The following IL1RAPL1 variants were observed in gnomAD, a reference collection of about 807,000 sequenced individuals.
IL1RAPL1 encodes the protein interleukin 1 receptor accessory protein like 1.
A neutral mutation model predicts 48.4 loss-of-function variants in IL1RAPL1; 3 were observed. That is an observed-to-expected ratio of 0.06 (90% CI 0.03 to 0.16). IL1RAPL1 has a LOEUF of 0.16. IL1RAPL1 is among the 10% of genes least tolerant of loss of function. The probability of loss-of-function intolerance (pLI) is 1.00; values close to 1 mark genes in which losing one functional copy is unlikely to be tolerated. For synonymous variants in IL1RAPL1, 185 were observed against 187.7 expected (o/e 0.99, Z 0.12); for missense variants, 349 against 530.6 (o/e 0.66, Z 3.36).
intron 6 of IL1RAPL1, among the ~76,000 whole-genome samples, chrX:29,756,288 A>G (rs190113195): frequency 3.5e-4 from 39 of 112,385 alleles, no homozygotes; most frequent in Middle Eastern, 4.6e-3. Context: ...GAAAATTGGG[A>G]AGTATACACA....
intron 2 of IL1RAPL1, among the ~76,000 whole-genome samples, chrX:28,882,035 A>G (rs770422308): frequency 9.0e-6 from 1 of 110,508 alleles, no homozygotes; most frequent in Non-Finnish European, 1.9e-5. Flanking sequence ...AAGAAATTCA[A>G]TGAACTCTAT....
At chrX:29,548,155 C>T (rs981171766) in intron 5 of IL1RAPL1, among the ~76,000 whole-genome samples, 2 of 112,556 alleles carry the variant, frequency 1.8e-5, no homozygotes. Context: ...AACACCTGTC[C>T]TTTGACCCTA....
intron 3 of IL1RAPL1, among the ~76,000 whole-genome samples, chrX:29,349,625 A>G (rs191114071): frequency 9.0e-6 from 1 of 111,470 alleles, no homozygotes; most frequent in East Asian, 2.8e-4. Flanking sequence ...TTCTGTTTGT[A>G]CCATTCAGTT....
chrX:29,543,115 T>TTCTC (rs59836290), intron 5 of IL1RAPL1, among the ~76,000 whole-genome samples: 6,331 of 91,531 alleles, frequency 0.069, 231 homozygotes, highest in East Asian at 0.15. Flanking sequence ...ATCTGTTCGT[T>TTCTC]TCTCTCTCTC....
chrX:28,901,257 A>C (rs1199508892), intron 2 of IL1RAPL1, among the ~76,000 whole-genome samples: 1 of 112,091 alleles, frequency 8.9e-6, no homozygotes, highest in African/African-American at 3.2e-5. Context: ...TGCTTAGGTG[A>C]AAACAAATAA....
At chrX:29,848,116 TCA>T (rs1243700332) in intron 6 of IL1RAPL1, among the ~76,000 whole-genome samples, 1 of 111,468 alleles carries the variant, frequency 9.0e-6, no homozygotes, top group African/African-American at 3.3e-5. Flanking sequence ...AACTTAAAAA[TCA>T]CACATTTTTA....
chrX:29,492,394 C>T (rs1464490480), intron 5 of IL1RAPL1, among the ~76,000 whole-genome samples: 2 of 112,014 alleles, frequency 1.8e-5, no homozygotes, highest in Non-Finnish European at 3.8e-5. Flanking sequence ...AGGTCAGAAA[C>T]CTGGCACAGG....
intron 1 of IL1RAPL1, among the ~76,000 whole-genome samples, chrX:28,735,197 G>A (rs1935806223): frequency 9.0e-6 from 1 of 111,554 alleles, no homozygotes; most frequent in South Asian, 3.7e-4. Context: ...TTTATATTAA[G>A]TTTCATTGTT....
intron 5 of IL1RAPL1, among the ~76,000 whole-genome samples, chrX:29,428,484 T>G (rs1472510905): frequency 1.8e-5 from 2 of 111,104 alleles, no homozygotes; most frequent in Non-Finnish European, 3.8e-5. Flanking sequence ...AGCAGTGGCC[T>G]CTTTGTGAGG....
chrX:29,409,686 A>G (rs1466827351), intron 5 of IL1RAPL1, among the ~76,000 whole-genome samples: 5 of 111,745 alleles, frequency 4.5e-5, no homozygotes, highest in Non-Finnish European at 7.5e-5. Flanking sequence ...GGAATGTGCC[A>G]TCTCTGGCCA....
intron 3 of IL1RAPL1, among the ~76,000 whole-genome samples, chrX:29,374,711 C>T: frequency 9.2e-6 from 1 of 108,954 alleles, no homozygotes; most frequent in Non-Finnish European, 1.9e-5. Context: ...GTTAGATGTT[C>T]TGCAGGGAGA....
At chrX:28,854,404 G>T (rs762458649) in intron 2 of IL1RAPL1, among the ~76,000 whole-genome samples, 1 of 109,706 alleles carries the variant, frequency 9.1e-6, no homozygotes, top group South Asian at 3.9e-4. Context: ...TTGGTTTAGA[G>T]AATATAGATG....
At chrX:29,217,298 C>A (rs1930888453) in intron 2 of IL1RAPL1, among the ~76,000 whole-genome samples, 1 of 112,315 alleles carries the variant, frequency 8.9e-6, no homozygotes, top group Admixed American at 9.5e-5. Context: ...TTGAAAATCA[C>A]TGCCTTAGAT....
intron 2 of IL1RAPL1, among the ~76,000 whole-genome samples, chrX:28,932,057 A>G (rs988609285): frequency 4.6e-5 from 5 of 109,322 alleles, no homozygotes; most frequent in Non-Finnish European, 1.9e-5. Flanking sequence ...AAAAATAAAA[A>G]ATAAATAAAT....
chrX:29,367,254 TCTTA>T (rs1384247702), intron 3 of IL1RAPL1, among the ~76,000 whole-genome samples: 1 of 112,241 alleles, frequency 8.9e-6, no homozygotes, highest in African/African-American at 3.2e-5. Flanking sequence ...CTTTTCTCTC[TCTTA>T]ATTATAATCT....
chrX:28,813,797 CTT>C (rs2147277260), intron 2 of IL1RAPL1, among the ~76,000 whole-genome samples: 1 of 110,891 alleles, frequency 9.0e-6, no homozygotes, highest in East Asian at 2.9e-4. Flanking sequence ...TTACTGATAA[CTT>C]TGCACATTTG....
At chrX:28,961,356 A>G (rs1924771775) in intron 2 of IL1RAPL1, among the ~76,000 whole-genome samples, 1 of 110,440 alleles carries the variant, frequency 9.1e-6, no homozygotes. Flanking sequence ...TTTTACTTTA[A>G]GTTCTGGGAT....
At chrX:29,695,467 A>C (rs956378694) in intron 6 of IL1RAPL1, among the ~76,000 whole-genome samples, 6 of 111,167 alleles carry the variant, frequency 5.4e-5, no homozygotes, top group African/African-American at 1.6e-4. Context: ...CTTAAACAAC[A>C]AACATCTATT....
intron 2 of IL1RAPL1, among the ~76,000 whole-genome samples, chrX:29,145,743 A>C (rs1929338443): frequency 8.9e-6 from 1 of 111,842 alleles, no homozygotes; most frequent in African/African-American, 3.2e-5. Context: ...ATCTCAGTTA[A>C]TTGCATCGTC....
Sources: allele counts gnomAD v4.1 joint callset (sites outside exome capture counted in the v4.1 genomes callset), GRCh38; gene constraint gnomAD v4.1.1; transcripts MANE v1.5; gene names NCBI Gene and HGNC (gene_info 2026-07-23, HGNC 2026-07-21).